MTF2: variants seen among roughly 807,000 people sequenced by gnomAD.
MTF2 encodes the protein metal-response element-binding transcription factor 2.
In MTF2, 11 loss-of-function variants were observed where a neutral mutation model predicts 79.5. That is an observed-to-expected ratio of 0.14 (90% CI 0.09 to 0.23). The LOEUF (loss-of-function observed/expected upper bound fraction) is 0.23, where lower values mean the gene tolerates loss of function less well. Among genes scored for constraint, MTF2 ranks in the 10% least tolerant of loss-of-function variants. The probability of loss-of-function intolerance (pLI) is 1.00; values close to 1 mark genes in which losing one functional copy is unlikely to be tolerated. For missense variants in MTF2, 486 were observed against 711.2 expected (o/e 0.68, Z 3.60); for synonymous variants, 208 against 232.8 (o/e 0.89, Z 0.97).
At chr1:93,115,433 G>A in intron 5 of MTF2, 37 bp from the exon 6 acceptor site, 1 of 1,273,156 alleles carries the variant, frequency 7.9e-7, no homozygotes, top group Non-Finnish European at 1.1e-6. Context: ...TAAAATTTTA[G>A]CCTTCACTCT....
In MTF2 at chr1:93,120,875, GA is replaced by G. The variant is rs1331615781; in HGVS notation, c.921+206del. The stretch of plus-strand genomic sequence containing the variant: ...GTGTGTTTGTTGCCTGTTGACTCTG[GA>G]AATTTGTAGAAGGAGGAGGTATATT... On this transcript the variant is annotated intron_variant, in intron 9 of 14. Transcript: ENST00000370298. The G allele has an allele frequency of 3.2e-6, 4 of 1,257,902 alleles. No individual in the cohort carries two copies. The African/African-American group carries it at 6.3e-5, about 20-fold the overall frequency. 77.9% of individuals were successfully genotyped at this position (1,257,902 alleles called of 1,614,324 possible).
At chr1:93,132,526 C>CT (rs1656960615) in intron 11 of MTF2, among the ~76,000 whole-genome samples, 1 of 152,148 alleles carries the variant, frequency 6.6e-6, no homozygotes. Flanking sequence ...TTTGAGATTA[C>CT]TTTCTTTAGT....
chr1:93,108,010 G>A (rs780343655), intron 1 of MTF2, among the ~76,000 whole-genome samples: 2 of 151,968 alleles, frequency 1.3e-5, no homozygotes, highest in South Asian at 4.1e-4. Context: ...TCTTGAATTC[G>A]GGGTCCTCCT....
chr1:93,086,283 C>T (rs1375079180), intron 1 of MTF2, among the ~76,000 whole-genome samples: 2 of 151,922 alleles, frequency 1.3e-5, no homozygotes, highest in East Asian at 1.9e-4. Flanking sequence ...GCGGGCGGAT[C>T]GCTTGAGGCC....
chr1:93,119,345 T>C lies in MTF2; in HGVS notation c.741T>C (p.Phe247=), dbSNP rs747934550. The C allele has an allele frequency of 1.2e-6, 2 of 1,601,224 alleles. No individual in the cohort carries two copies. The highest frequency in any genetic ancestry group is 2.3e-5 in the South Asian group (2 of 87,834). Residue 247 remains phenylalanine, a synonymous_variant, in exon 8 of 15, where the codon TTT becomes TTC. Coordinates refer to ENST00000370298, the MANE Select transcript of MTF2 (RefSeq NM_007358.4). The part of the protein sequence containing the change: ...PMLFGDRFYT[F]ICSVCSSGPE... ...TTTTTTTTCTTAGATTTTATACGTTTATATGCTCTGTCTGCAGTTCTGGAC... is the reference window on the plus strand; with the variant it reads ...TTTTTTTTCTTAGATTTTATACGTTCATATGCTCTGTCTGCAGTTCTGGAC...
intron 1 of MTF2, among the ~76,000 whole-genome samples, chr1:93,092,439 G>A (rs1655110508): frequency 6.6e-6 from 1 of 152,134 alleles, no homozygotes; most frequent in Non-Finnish European, 1.5e-5. Flanking sequence ...AGATAATTTT[G>A]AAATTAAAAG....
Position 93,125,302 on chromosome 1 carries a change from GTTTT to G in MTF2, c.922-1912_922-1909del, listed in dbSNP as rs747981072. Among the ~76,000 whole-genome samples, 6 of 75,586 alleles carry G rather than the reference GTTTT, an allele frequency of 7.9e-5. No homozygotes were observed. The South Asian group carries it at 5.3e-3, about 67-fold the overall frequency. The allele number at this position is 75,586 out of a possible 152,430, so 49.6% of individuals were successfully genotyped here. ...TGATTAGCAACGCTGGTTTGTCAGT[GTTTT>G]TTTTTTTTTTTTTTTTTATGGTTAG... On this transcript the variant is annotated intron_variant, in intron 9 of 14. Transcript: ENST00000370298.
At chr1:93,118,255 A>C in intron 6 of MTF2, 90 bp from the exon 7 acceptor site, 35 of 686,688 alleles carry the variant, frequency 5.1e-5, no homozygotes, top group Non-Finnish European at 7.0e-5. Flanking sequence ...ATTGTGGATT[A>C]GGCCACTTTT....
At chr1:93,126,786 C>G (rs1234788402) in intron 9 of MTF2, among the ~76,000 whole-genome samples, 1 of 151,908 alleles carries the variant, frequency 6.6e-6, no homozygotes, top group African/African-American at 2.4e-5. Context: ...GTTAGAGGTA[C>G]TGGAAAATGG....
chr1:93,109,501 T>A (rs1655945836), intron 1 of MTF2, among the ~76,000 whole-genome samples: 1 of 152,068 alleles, frequency 6.6e-6, no homozygotes, highest in South Asian at 2.1e-4. Context: ...GCCCGGCTAA[T>A]CTTTGTATTT....
chr1:93,103,434 A>G (rs971195548), intron 1 of MTF2, among the ~76,000 whole-genome samples: 1 of 151,522 alleles, frequency 6.6e-6, no homozygotes, highest in African/African-American at 2.4e-5. Flanking sequence ...TTTTATATTT[A>G]CGTAACAGAT....
intron 1 of MTF2, among the ~76,000 whole-genome samples, chr1:93,079,889 G>A (rs535793132): frequency 6.6e-6 from 1 of 151,938 alleles, no homozygotes; most frequent in African/African-American, 2.4e-5. Context: ...GGGGTGGGGA[G>A]CCGAGAGGAG....
In MTF2 at chr1:93,079,317, T is replaced by C. The variant is rs550888526; in HGVS notation, c.-210T>C. 84 of 602,172 alleles carry C rather than the reference T, an allele frequency of 1.4e-4. No homozygotes were observed. The South Asian group carries it at 1.7e-3, about 12-fold the overall frequency. The allele number at this position is 602,172 out of a possible 1,614,324, so 37.3% of individuals were successfully genotyped here. ...GAAACCAAAATGGCGAGGGGCTGTA[T>C]TGAAGTGGGCTGTGTTTGAGGCCGG... On this transcript the variant is annotated 5_prime_UTR_variant, in exon 1 of 15. Coordinates refer to ENST00000370298, the MANE Select transcript of MTF2 (RefSeq NM_007358.4).
intron 3 of MTF2, among the ~76,000 whole-genome samples, chr1:93,114,005 T>G (rs1343798188): frequency 2.5e-5 from 3 of 119,884 alleles, no homozygotes; most frequent in African/African-American, 1.5e-4. Context: ...TTTTGTGTGA[T>G]TTTTTTTTTT....
At position 93,136,696 on chromosome 1, in the gene MTF2, G is replaced by C. The variant is rs775843760; in HGVS notation, c.1451G>C (p.Arg484Pro). The C allele has an allele frequency of 6.2e-7, 1 of 1,613,812 alleles. No individual in the cohort carries two copies. Among genetic ancestry groups the C allele is most frequent in the Non-Finnish European group, 8.5e-7 (1 of 1,179,926 alleles). Residue 484 changes from arginine to proline, a missense_variant, in exon 15 of 15, where the codon CGT becomes CCT. This residue lies in a region of MTF2 where 209 missense variants were observed against 206.5 expected (regional missense o/e 1.01). Coordinates refer to ENST00000370298, the MANE Select transcript of MTF2 (RefSeq NM_007358.4). ...YGLSDSRKRTRTGRSWPAAIP... is the reference protein window; with the variant it reads ...YGLSDSRKRTPTGRSWPAAIP... ...TTATCTGACTCCAGAAAAAGAACGC[G>C]TACAGGAAGATCTTGGCCTGCTGCA...
intron 1 of MTF2, among the ~76,000 whole-genome samples, chr1:93,095,655 CT>C (rs111973268): frequency 0.16 from 18,469 of 118,624 alleles, 1,982 homozygotes; most frequent in African/African-American, 0.37. Flanking sequence ...TTTCTCTGTT[CT>C]TTTTTTTTTT....
At chr1:93,087,571 C>CAAA (rs5776168) in intron 1 of MTF2, among the ~76,000 whole-genome samples, 5 of 135,496 alleles carry the variant, frequency 3.7e-5, no homozygotes, top group Non-Finnish European at 3.1e-5. Flanking sequence ...GACTCTGTCT[C>CAAA]AAAAAAAAAA....
At chr1:93,090,321 A>G (rs1437330655) in intron 1 of MTF2, among the ~76,000 whole-genome samples, 1 of 151,978 alleles carries the variant, frequency 6.6e-6, no homozygotes, top group African/African-American at 2.4e-5. Flanking sequence ...CATGCTGGCC[A>G]GGCGGGTCTT....
chr1:93,126,592 A>G (rs1656706875), intron 9 of MTF2, among the ~76,000 whole-genome samples: 1 of 152,220 alleles, frequency 6.6e-6, no homozygotes, highest in East Asian at 1.9e-4. Context: ...TCTCTGAGAA[A>G]AAGCCCTATT....
Sources: allele counts gnomAD v4.1 joint callset (sites outside exome capture counted in the v4.1 genomes callset), GRCh38; gene constraint gnomAD v4.1.1; regional missense constraint gnomAD v4.1.1; transcripts MANE v1.5; gene names NCBI Gene and HGNC (gene_info 2026-07-23, HGNC 2026-07-21).